The following CDC42SE2 variants were observed in gnomAD, a reference collection of about 807,000 sequenced individuals.
CDC42SE2 encodes CDC42 small effector 2, also known as CDC42 small effector protein 2.
A neutral mutation model predicts 11.5 loss-of-function variants in CDC42SE2; 3 were observed. The observed-to-expected ratio is 0.26, with a 90% CI of 0.12 to 0.67. The LOEUF is 0.67. Ranked by LOEUF, CDC42SE2 falls within the 30% of genes least tolerant of loss-of-function variation. CDC42SE2 has a pLI of 0.80. For missense variants in CDC42SE2, 82 were observed against 106.8 expected (o/e 0.77, Z 1.02); for synonymous variants, 33 against 34.8 (o/e 0.95, Z 0.18).
chr5:131,316,350 A>G (rs1421389985), intron 2 of CDC42SE2, among the ~76,000 whole-genome samples: 1 of 152,196 alleles, frequency 6.6e-6, no homozygotes, highest in Non-Finnish European at 1.5e-5. Flanking sequence ...CCAGTTAGGC[A>G]CATCCTTTCC....
chr5:131,305,636 A>T (rs1757764219), intron 1 of CDC42SE2, among the ~76,000 whole-genome samples: 1 of 152,076 alleles, frequency 6.6e-6, no homozygotes, highest in Admixed American at 6.6e-5. Context: ...TGAGTTCCTT[A>T]TATATTTTGG....
chr5:131,322,346 C>T (rs1758209799), intron 2 of CDC42SE2, among the ~76,000 whole-genome samples: 1 of 152,164 alleles, frequency 6.6e-6, no homozygotes, highest in Admixed American at 6.5e-5. Flanking sequence ...TGCCATCCCC[C>T]AGTACCCACA....
At chr5:131,265,064 A>G (rs1485197695) in intron 1 of CDC42SE2, among the ~76,000 whole-genome samples, 2 of 152,192 alleles carry the variant, frequency 1.3e-5, no homozygotes, top group Admixed American at 6.5e-5. Flanking sequence ...ATCTAGTAAA[A>G]TTTAGGCACA....
upstream of CDC42SE2, among the ~76,000 whole-genome samples, chr5:131,263,497 G>C (rs889714169): frequency 1.3e-5 from 2 of 152,168 alleles, no homozygotes; most frequent in Admixed American, 1.3e-4. Flanking sequence ...TTTCAAACCA[G>C]GTGGTTTAGC....
intron 2 of CDC42SE2, among the ~76,000 whole-genome samples, chr5:131,358,167 A>C (rs967137389): frequency 1.3e-5 from 2 of 152,186 alleles, no homozygotes; most frequent in African/African-American, 4.8e-5. Context: ...GATGATTGCA[A>C]AACTTCTCCT....
intron 2 of CDC42SE2, among the ~76,000 whole-genome samples, chr5:131,318,786 C>T (rs1758101989): frequency 6.6e-6 from 1 of 152,200 alleles, no homozygotes; most frequent in African/African-American, 2.4e-5. Context: ...TCTTTCTCAA[C>T]CCTCAATTAT....
At chr5:131,366,992 A>C (rs1479729199) in intron 3 of CDC42SE2, among the ~76,000 whole-genome samples, 1 of 151,954 alleles carries the variant, frequency 6.6e-6, no homozygotes, top group African/African-American at 2.4e-5. Flanking sequence ...GCATCCCTGC[A>C]CTCCAGCCTG....
rs116953082 is a variant in CDC42SE2, at chr5:131,355,413, G to A, written c.-285-3796G>A. Among the ~76,000 whole-genome samples the A allele has an allele frequency of 2.4e-4, 36 of 152,056 alleles. No homozygotes were observed. The East Asian group carries it at 5.6e-3, about 24-fold the overall frequency. Reference sequence around the variant, plus strand: ...GATCATTTGAACCCGAGAGGTCAAGGCTGCAGTGAGCCAGGATTGCTCCAC... The same window carrying A: ...GATCATTTGAACCCGAGAGGTCAAGACTGCAGTGAGCCAGGATTGCTCCAC... On this transcript the variant is annotated intron_variant, in intron 2 of 4. Coordinates refer to ENST00000505065, the MANE Select transcript of CDC42SE2 (RefSeq NM_001375635.1).
intron 2 of CDC42SE2, among the ~76,000 whole-genome samples, chr5:131,342,278 C>CA (rs113170833): frequency 1.5e-4 from 18 of 122,862 alleles, no homozygotes; most frequent in Non-Finnish European, 1.7e-4. Context: ...GACTCCTTCT[C>CA]AAAAAAAAAA....
At chr5:131,310,887 C>T (rs1337994975) in intron 1 of CDC42SE2, among the ~76,000 whole-genome samples, 2 of 152,174 alleles carry the variant, frequency 1.3e-5, no homozygotes, top group South Asian at 2.1e-4. Context: ...TGGGTCTTGA[C>T]TCTTTATCCA....
At chr5:131,276,315 C>T (rs1401689388) in intron 1 of CDC42SE2, among the ~76,000 whole-genome samples, 2 of 150,492 alleles carry the variant, frequency 1.3e-5, no homozygotes, top group Non-Finnish European at 3.0e-5. Flanking sequence ...ATTAGCCAGG[C>T]CTGTACACCC....
At chr5:131,243,057 A>G (rs746117675), upstream of CDC42SE2, among the ~76,000 whole-genome samples, 4 of 152,236 alleles carry the variant, frequency 2.6e-5, no homozygotes, top group Non-Finnish European at 5.9e-5. Context: ...TTTTAGGGAC[A>G]GTGGACCTCT....
At chr5:131,371,957 CAT>C (rs1392782981) in intron 3 of CDC42SE2, among the ~76,000 whole-genome samples, 2 of 152,152 alleles carry the variant, frequency 1.3e-5, no homozygotes, top group Non-Finnish European at 2.9e-5. Context: ...TAATGAGAAA[CAT>C]GTCTATCATT....
intron 1 of CDC42SE2, among the ~76,000 whole-genome samples, chr5:131,286,654 C>A (rs568535608): frequency 6.6e-6 from 1 of 152,018 alleles, no homozygotes; most frequent in African/African-American, 2.4e-5. Context: ...CCTTTTCCTC[C>A]TTCTCTTCAG....
At chr5:131,345,738 G>A (rs1206347910) in intron 2 of CDC42SE2, among the ~76,000 whole-genome samples, 1 of 152,200 alleles carries the variant, frequency 6.6e-6, no homozygotes, top group Non-Finnish European at 1.5e-5. Flanking sequence ...AATGTTAAGG[G>A]CAGCCAGAGA....
At position 131,339,302 on chromosome 5, in the gene CDC42SE2, C is replaced by T. The variant is rs1011968873; in HGVS notation, c.-285-19907C>T. Among the ~76,000 whole-genome samples the T allele has an allele frequency of 1.4e-3, 196 of 140,466 alleles. 1 individual carries two copies. The highest frequency in any genetic ancestry group is 5.1e-3 in the African/African-American group (192 of 37,788). The allele number at this position is 140,466 out of a possible 152,430, so 92.2% of individuals were successfully genotyped here. On this transcript the variant is annotated intron_variant, in intron 2 of 4. Coordinates refer to ENST00000505065, the MANE Select transcript of CDC42SE2 (RefSeq NM_001375635.1). ...GCTTTTTCAAACAGAGAGACCTGGA[C>T]TTGCACAGGAAAAACAGTTTCTATG...
intron 1 of CDC42SE2, among the ~76,000 whole-genome samples, chr5:131,271,644 A>G (rs1756997273): frequency 6.6e-6 from 1 of 152,192 alleles, no homozygotes; most frequent in Non-Finnish European, 1.5e-5. Context: ...CGTTTCTTCA[A>G]CAGTACTTCT....
rs1417893682 is a variant in CDC42SE2, at chr5:131,392,772, A to AATGTT, written c.*1685_*1689dup. On this transcript the variant is annotated 3_prime_UTR_variant, in exon 5 of 5. Transcript: ENST00000505065. ...CATTCTTTTATTTTTACTTCTTTTT[A>AATGTT]ATGTTATGGTATCCAGTTGTTTCCA... 2.0e-5 allele frequency: 3 copies of AATGTT among 152,124 alleles called. No homozygotes were observed. The highest frequency in any genetic ancestry group is 7.3e-5 in the African/African-American group (3 of 41,364). The allele number at this position is 152,124 out of a possible 1,614,324, so 9.4% of individuals were successfully genotyped here.
chr5:131,291,420 A>G (rs960849463), intron 1 of CDC42SE2, among the ~76,000 whole-genome samples: 5 of 152,110 alleles, frequency 3.3e-5, no homozygotes, highest in African/African-American at 7.2e-5. Flanking sequence ...TTATTTTACT[A>G]TCCACTCGGA....
Sources: allele counts gnomAD v4.1 joint callset (sites outside exome capture counted in the v4.1 genomes callset), GRCh38; gene constraint gnomAD v4.1.1; transcripts MANE v1.5; gene names NCBI Gene and HGNC (gene_info 2026-07-23, HGNC 2026-07-21).